The following SLC24A3 variants were observed in gnomAD, a reference collection of about 807,000 sequenced individuals.
SLC24A3 encodes sodium/potassium/calcium exchanger 3.
In SLC24A3, 28 loss-of-function variants were observed where a neutral mutation model predicts 75.8. The ratio of observed to expected loss-of-function variants is 0.37; its 90% CI spans 0.27 to 0.51. The LOEUF is 0.51. Among genes scored for constraint, SLC24A3 ranks in the 20% least tolerant of loss-of-function variants. The pLI is 0.94. For synonymous variants in SLC24A3, 372 were observed against 334.1 expected (o/e 1.11, Z -1.24); for missense variants, 663 against 847.8 (o/e 0.78, Z 2.71).
intron 3 of SLC24A3, among the ~76,000 whole-genome samples, chr20:19,551,676 G>A (rs1041792251): frequency 7.9e-5 from 12 of 152,070 alleles, no homozygotes; most frequent in African/African-American, 2.7e-4. Flanking sequence ...CTTTAGCCTG[G>A]GCTGCCATGC....
intron 3 of SLC24A3, among the ~76,000 whole-genome samples, chr20:19,532,401 C>T (rs565919728): frequency 6.6e-6 from 1 of 152,204 alleles, no homozygotes; most frequent in African/African-American, 2.4e-5. Flanking sequence ...CTGTCTCAGC[C>T]TCTGGTGCCC....
intron 3 of SLC24A3, among the ~76,000 whole-genome samples, chr20:19,531,365 G>A (rs1160196713): frequency 6.6e-6 from 1 of 152,232 alleles, no homozygotes; most frequent in Non-Finnish European, 1.5e-5. Context: ...TGGAATAAAA[G>A]AAACATGGCA....
chr20:19,580,726 C>T (rs997209598), intron 4 of SLC24A3, among the ~76,000 whole-genome samples: 14 of 152,300 alleles, frequency 9.2e-5, no homozygotes, highest in African/African-American at 3.4e-4. Context: ...GGAAATGTAG[C>T]TTCCTTTATC....
chr20:19,248,999 G>A (rs1378519322), intron 1 of SLC24A3, among the ~76,000 whole-genome samples: 1 of 151,414 alleles, frequency 6.6e-6, no homozygotes, highest in Non-Finnish European at 1.5e-5. Context: ...GAAGGAATGG[G>A]CAGATGTTGG....
chr20:19,383,786 G>A (rs1288002826), intron 2 of SLC24A3, among the ~76,000 whole-genome samples: 1 of 152,140 alleles, frequency 6.6e-6, no homozygotes, highest in Admixed American at 6.6e-5. Flanking sequence ...TCTTCTGACT[G>A]AGTCCCCAGA....
intron 2 of SLC24A3, among the ~76,000 whole-genome samples, chr20:19,455,616 C>G (rs553801516): frequency 6.6e-6 from 1 of 152,324 alleles, no homozygotes; most frequent in East Asian, 1.9e-4. Flanking sequence ...AAACCCCAGC[C>G]TCTTCACCTC....
chr20:19,316,562 A>G (rs534693084), intron 2 of SLC24A3, among the ~76,000 whole-genome samples: 33 of 152,354 alleles, frequency 2.2e-4, no homozygotes, highest in Admixed American at 5.9e-4. Flanking sequence ...AGCATTTTCA[A>G]AAATTCTGGG....
chr20:19,466,051 C>T (rs566920472), intron 2 of SLC24A3, among the ~76,000 whole-genome samples: 42 of 152,282 alleles, frequency 2.8e-4, no homozygotes, highest in South Asian at 1.7e-3. Flanking sequence ...GCCCAAGGTC[C>T]ATTTAGAAGT....
intron 6 of SLC24A3, among the ~76,000 whole-genome samples, chr20:19,596,483 C>T (rs2031455042): frequency 6.6e-6 from 1 of 152,190 alleles, no homozygotes; most frequent in Non-Finnish European, 1.5e-5. Flanking sequence ...AGTAGGCATC[C>T]TGTTATCCAA....
intron 2 of SLC24A3, among the ~76,000 whole-genome samples, chr20:19,374,431 A>G (rs1314243509): frequency 6.6e-6 from 1 of 152,226 alleles, no homozygotes; most frequent in Non-Finnish European, 1.5e-5. Context: ...AGATGAGCAG[A>G]ATACTGACTG....
chr20:19,485,037 G>A (rs529342919), intron 2 of SLC24A3, among the ~76,000 whole-genome samples: 1 of 152,330 alleles, frequency 6.6e-6, no homozygotes, highest in African/African-American at 2.4e-5. Flanking sequence ...GTTGGCAATA[G>A]CATGGGACTC....
At chr20:19,258,501 C>T (rs542821482) in intron 1 of SLC24A3, among the ~76,000 whole-genome samples, 4 of 152,258 alleles carry the variant, frequency 2.6e-5, no homozygotes, top group South Asian at 2.1e-4. Context: ...GTCAGCAGTT[C>T]GAGACCAGCC....
chr20:19,373,761 T>G (rs992845913), intron 2 of SLC24A3, among the ~76,000 whole-genome samples: 10 of 152,156 alleles, frequency 6.6e-5, no homozygotes, highest in Admixed American at 2.6e-4. Flanking sequence ...GCTGCTGCTA[T>G]CCATCATTTT....
At position 19,434,127 on chromosome 20, in the gene SLC24A3, T is replaced by G. The variant is rs531437561; in HGVS notation, c.272-81361T>G. On this transcript the variant is annotated intron_variant, in intron 2 of 16. Transcript: ENST00000328041. ...ACGTGATTAATACACATCACTGAGCTGAAATGTCAGTGGTTTACCGAACAA... is the reference window on the plus strand; with the variant it reads ...ACGTGATTAATACACATCACTGAGCGGAAATGTCAGTGGTTTACCGAACAA... Among the ~76,000 whole-genome samples, 43 of 152,340 alleles carry G rather than the reference T, an allele frequency of 2.8e-4. No homozygotes were observed. The South Asian group carries it at 8.9e-3, about 32-fold the overall frequency.
chr20:19,215,223 G>T (rs953594651), intron 1 of SLC24A3, among the ~76,000 whole-genome samples: 7 of 152,182 alleles, frequency 4.6e-5, no homozygotes, highest in Non-Finnish European at 7.3e-5. Flanking sequence ...GAAACTTGGA[G>T]CACACACTAC....
intron 2 of SLC24A3, among the ~76,000 whole-genome samples, chr20:19,403,595 G>A (rs1210974688): frequency 1.3e-5 from 2 of 152,176 alleles, no homozygotes. Flanking sequence ...ACATAGTACT[G>A]TGGGAACAAA....
At chr20:19,417,600 A>G (rs2122430453) in intron 2 of SLC24A3, among the ~76,000 whole-genome samples, 1 of 152,336 alleles carries the variant, frequency 6.6e-6, no homozygotes, top group Admixed American at 6.5e-5. Context: ...GATATCCATA[A>G]ATGTACAGAC....
At chr20:19,428,352 G>A (rs1476523521) in intron 2 of SLC24A3, among the ~76,000 whole-genome samples, 4 of 152,164 alleles carry the variant, frequency 2.6e-5, no homozygotes, top group African/African-American at 9.7e-5. Context: ...AATCGACACC[G>A]TGTTAATACT....
At chr20:19,667,737 G>A (rs1015112736) in intron 8 of SLC24A3, among the ~76,000 whole-genome samples, 10 of 152,186 alleles carry the variant, frequency 6.6e-5, no homozygotes, top group Admixed American at 2.6e-4. Flanking sequence ...TTCACCATCA[G>A]CCCATTTCAC....
Sources: allele counts gnomAD v4.1 joint callset (sites outside exome capture counted in the v4.1 genomes callset), GRCh38; gene constraint gnomAD v4.1.1; transcripts MANE v1.5; gene names NCBI Gene and HGNC (gene_info 2026-07-23, HGNC 2026-07-21).